LYPLAL1: variants seen among roughly 807,000 people sequenced by gnomAD.
The protein encoded by LYPLAL1 is lysophospholipase-like protein 1.
LYPLAL1 carries 23 observed loss-of-function variants against 19.7 expected under a neutral mutation model. The observed-to-expected ratio is 1.17, with a 90% CI of 0.84 to 1.65. LYPLAL1 has a LOEUF of 1.65. LYPLAL1 is among the 40% of genes most tolerant of loss of function. LYPLAL1 has a pLI of 0.00. For synonymous variants in LYPLAL1, 119 were observed against 96.3 expected (o/e 1.24, Z -1.38); for missense variants, 355 against 279.4 (o/e 1.27, Z -1.93).
chr1:219,227,890 G>A, the LYPLAL1 span, among the ~76,000 whole-genome samples: 1 of 152,108 alleles, frequency 6.6e-6, no homozygotes, highest in Non-Finnish European at 1.5e-5. Context: ...ACTGACTTAA[G>A]CAATAAAGAT....
chr1:219,381,634 CAG>C, the LYPLAL1 span, among the ~76,000 whole-genome samples: 1 of 152,152 alleles, frequency 6.6e-6, no homozygotes, highest in Non-Finnish European at 1.5e-5. Context: ...ATTGGAATGA[CAG>C]GGAGGGTTGC....
chr1:219,360,462 T>C, the LYPLAL1 span, among the ~76,000 whole-genome samples: 1 of 152,184 alleles, frequency 6.6e-6, no homozygotes, highest in East Asian at 1.9e-4. Flanking sequence ...AAGATCTGCC[T>C]CCCATATGAA....
At chr1:219,374,649 T>C in the LYPLAL1 span, among the ~76,000 whole-genome samples, 646 of 152,350 alleles carry the variant, frequency 4.2e-3, 8 homozygotes, top group African/African-American at 0.015. Context: ...TGTTTAAGAA[T>C]TGATTTGCAT....
the LYPLAL1 span, among the ~76,000 whole-genome samples, chr1:219,226,193 A>G: frequency 6.6e-6 from 1 of 152,228 alleles, no homozygotes; most frequent in Non-Finnish European, 1.5e-5. Flanking sequence ...TGCCTAGTAC[A>G]GTGATTGCCA....
chr1:219,189,043 G>A (rs956202768), intron 2 of LYPLAL1, among the ~76,000 whole-genome samples: 3 of 151,600 alleles, frequency 2.0e-5, no homozygotes, highest in Non-Finnish European at 3.0e-5. Context: ...CATTTGAACA[G>A]AATTTTAATT....
chr1:219,435,127 A>G, the LYPLAL1 span: 1 of 152,236 alleles, frequency 6.6e-6, no homozygotes, highest in East Asian at 1.9e-4. Flanking sequence ...AGTAGGGTGG[A>G]GCAGACAATA....
At chr1:219,347,977 AT>A in the LYPLAL1 span, among the ~76,000 whole-genome samples, 1 of 152,194 alleles carries the variant, frequency 6.6e-6, no homozygotes, top group Non-Finnish European at 1.5e-5. Context: ...AGAAAAAAAA[AT>A]AAAATAAGAA....
the LYPLAL1 span, among the ~76,000 whole-genome samples, chr1:219,350,587 A>T: frequency 6.6e-6 from 1 of 152,228 alleles, no homozygotes; most frequent in Non-Finnish European, 1.5e-5. Flanking sequence ...CAAAGTGTAG[A>T]GCTGAGCAGA....
chr1:219,428,562 A>G, the LYPLAL1 span, among the ~76,000 whole-genome samples: 1 of 152,178 alleles, frequency 6.6e-6, no homozygotes, highest in African/African-American at 2.4e-5. Context: ...CCAGCCCCTG[A>G]CCTTAAAGAG....
At chr1:219,347,453 G>A in the LYPLAL1 span, among the ~76,000 whole-genome samples, 1 of 152,178 alleles carries the variant, frequency 6.6e-6, no homozygotes, top group Non-Finnish European at 1.5e-5. Context: ...AAAAAGCTGT[G>A]AGAAGGATTC....
chr1:219,365,440 A>G, the LYPLAL1 span, among the ~76,000 whole-genome samples: 5 of 152,308 alleles, frequency 3.3e-5, no homozygotes, highest in East Asian at 9.6e-4. Flanking sequence ...AAATGTTAGT[A>G]AAAACCAAAA....
chr1:219,408,494 C>T, the LYPLAL1 span, among the ~76,000 whole-genome samples: 3 of 152,000 alleles, frequency 2.0e-5, no homozygotes, highest in African/African-American at 7.3e-5. Flanking sequence ...AATGGTCCTA[C>T]CTTGAAGCCA....
the LYPLAL1 span, among the ~76,000 whole-genome samples, chr1:219,253,112 T>G: frequency 6.6e-6 from 1 of 152,062 alleles, no homozygotes; most frequent in African/African-American, 2.4e-5. Context: ...TGTATTTATT[T>G]CTGTGGGGAC....
chr1:219,378,347 C>T, the LYPLAL1 span, among the ~76,000 whole-genome samples: 1 of 152,032 alleles, frequency 6.6e-6, no homozygotes, highest in Non-Finnish European at 1.5e-5. Context: ...GAAGAGTGAG[C>T]AAAAGGGGAA....
chr1:219,428,108 A>C, the LYPLAL1 span, among the ~76,000 whole-genome samples: 33 of 152,326 alleles, frequency 2.2e-4, no homozygotes, highest in Non-Finnish European at 3.8e-4. Flanking sequence ...TTTTCCAAAG[A>C]TAAGGAGTTC....
chr1:219,185,659 T>TG (rs1336149098), intron 2 of LYPLAL1, among the ~76,000 whole-genome samples: 1 of 151,822 alleles, frequency 6.6e-6, no homozygotes, highest in African/African-American at 2.4e-5. Flanking sequence ...TGGGAAAACT[T>TG]GAAGATTGGT....
chr1:219,184,196 G>A (rs1401652117), intron 2 of LYPLAL1, among the ~76,000 whole-genome samples: 1 of 151,692 alleles, frequency 6.6e-6, no homozygotes, highest in Non-Finnish European at 1.5e-5. Flanking sequence ...ATTTACTTAG[G>A]TCTTTATTAA....
At chr1:219,399,416 A>AGTTGCCAG in the LYPLAL1 span, among the ~76,000 whole-genome samples, 1 of 152,188 alleles carries the variant, frequency 6.6e-6, no homozygotes, top group South Asian at 2.1e-4. Context: ...TTGCAATGGC[A>AGTTGCCAG]GTTGCCAGGA....
At chr1:219,377,173 A>G in the LYPLAL1 span, among the ~76,000 whole-genome samples, 1 of 152,348 alleles carries the variant, frequency 6.6e-6, no homozygotes, top group South Asian at 2.1e-4. Context: ...AAATTCTGAC[A>G]CATAATACAA....
Sources: gnomAD v4.1 joint callset for allele counts (sites outside exome capture counted in the v4.1 genomes callset) on GRCh38, gnomAD v4.1.1 for gene constraint, MANE v1.5 for transcripts, NCBI Gene and HGNC (gene_info 2026-07-23, HGNC 2026-07-21) for gene names.